The following FANCC variants were observed in gnomAD, a reference collection of about 807,000 sequenced individuals.
FANCC encodes Fanconi anemia group C protein.
In FANCC, 55 loss-of-function variants were observed where a neutral mutation model predicts 71.3. That is an observed-to-expected ratio of 0.77 (90% CI 0.62 to 0.97). The LOEUF is 0.97. Ranked by LOEUF, FANCC falls within the 50% of genes least tolerant of loss-of-function variation. The probability of loss-of-function intolerance (pLI) is 0.00; values close to 1 mark genes in which losing one functional copy is unlikely to be tolerated. For synonymous variants in FANCC, 275 were observed against 244.9 expected (o/e 1.12, Z -1.15); for missense variants, 678 against 670.9 (o/e 1.01, Z -0.12).
At chr9:95,288,497 T>C (rs1246982328) in intron 1 of FANCC, among the ~76,000 whole-genome samples, 1 of 152,230 alleles carries the variant, frequency 6.6e-6, no homozygotes, top group African/African-American at 2.4e-5. Flanking sequence ...AGCCATACTT[T>C]AATACAAGTG....
In FANCC at chr9:95,107,261, C is replaced by T. The variant is rs764514171; in HGVS notation, c.1338G>A (p.Val446=). Residue 446 remains valine, a synonymous_variant, in exon 14 of 15, where the codon GTG becomes GTA. Coordinates refer to ENST00000289081, the MANE Select transcript of FANCC (RefSeq NM_000136.3). ...RQQRAQTMVQ[V]KAVLGHLLAM... Reference sequence around the variant, plus strand: ...CCAGGAGGTGGCCCAGCACGGCCTTCACCTGGACCTGGGCAATAGTATTTC... The same window carrying T: ...CCAGGAGGTGGCCCAGCACGGCCTTTACCTGGACCTGGGCAATAGTATTTC... 1.2e-6 allele frequency: 2 copies of T among 1,613,698 alleles called. No homozygotes were observed. The highest frequency in any genetic ancestry group is 2.7e-5 in the African/African-American group (2 of 74,924).
chr9:95,125,304 T>C, intron 9 of FANCC, 119 bp from the exon 10 acceptor site: 3 of 761,396 alleles, frequency 3.9e-6, no homozygotes, highest in South Asian at 1.5e-5. Context: ...TTCAGCAGTA[T>C]CTCAACTCAT....
chr9:95,304,726 G>A (rs1239737191), intron 1 of FANCC, among the ~76,000 whole-genome samples: 2 of 143,244 alleles, frequency 1.4e-5, no homozygotes, highest in Non-Finnish European at 3.0e-5. Context: ...CTGCAGCCTG[G>A]GCAACAGAGC....
chr9:95,314,713 A>T, intron 1 of FANCC, among the ~76,000 whole-genome samples: 1 of 152,310 alleles, frequency 6.6e-6, no homozygotes, highest in East Asian at 1.9e-4. Context: ...ATGAAATTTT[A>T]AAAATAATTC....
intron 4 of FANCC, among the ~76,000 whole-genome samples, chr9:95,229,032 T>G (rs1829815714): frequency 6.6e-6 from 1 of 152,130 alleles, no homozygotes; most frequent in African/African-American, 2.4e-5. Flanking sequence ...GCACGATGGC[T>G]CACACCTGTA....
At chr9:95,177,114 G>A (rs1454323522) in intron 4 of FANCC, among the ~76,000 whole-genome samples, 1 of 152,162 alleles carries the variant, frequency 6.6e-6, no homozygotes, top group African/African-American at 2.4e-5. Context: ...CAGTTTCTTT[G>A]CGTGCAAACA....
intron 1 of FANCC, among the ~76,000 whole-genome samples, chr9:95,307,000 T>C (rs1472082358): frequency 6.6e-6 from 1 of 152,094 alleles, no homozygotes; most frequent in Non-Finnish European, 1.5e-5. Flanking sequence ...CAGCCTACAG[T>C]TGCATGTCAC....
chr9:95,302,243 G>T (rs551010685), intron 1 of FANCC, among the ~76,000 whole-genome samples: 2 of 152,290 alleles, frequency 1.3e-5, no homozygotes, highest in Admixed American at 1.3e-4. Flanking sequence ...GTGGACAGAA[G>T]GGGTCACTGG....
intron 6 of FANCC, among the ~76,000 whole-genome samples, chr9:95,158,433 T>C (rs929812205): frequency 6.6e-6 from 1 of 151,984 alleles, no homozygotes; most frequent in Non-Finnish European, 1.5e-5. Flanking sequence ...TAAGAAGCGG[T>C]AGAGAACAGG....
rs546871982 is a variant in FANCC, at chr9:95,103,094, G to A, written c.1534-1244C>T. Among the ~76,000 whole-genome samples the A allele has an allele frequency of 1.4e-4, 21 of 152,286 alleles. No individual in the cohort carries two copies. The East Asian group carries it at 2.9e-3, about 21-fold the overall frequency. ...TTCATCAAGGAAACAATGTGAGCCT[G>A]CTGTGGACCCCTTTCAGTTAATATA... On this transcript the variant is annotated intron_variant, in intron 14 of 14. Transcript: ENST00000289081.
At chr9:95,154,245 CAAAAAAAAA>C (rs58720791) in intron 6 of FANCC, among the ~76,000 whole-genome samples, 13 of 49,946 alleles carry the variant, frequency 2.6e-4, no homozygotes, top group Middle Eastern at 0.013. Context: ...GACTCCGTCT[CAAAAAAAAA>C]AAAAAAAAAA....
intron 3 of FANCC, among the ~76,000 whole-genome samples, chr9:95,242,741 A>C (rs549793629): frequency 1.3e-3 from 204 of 152,234 alleles, no homozygotes; most frequent in Non-Finnish European, 1.6e-3. Context: ...ACTGAAATGC[A>C]CTGCTAATGA....
At chr9:95,190,238 G>A (rs967491043) in intron 4 of FANCC, among the ~76,000 whole-genome samples, 2 of 152,072 alleles carry the variant, frequency 1.3e-5, no homozygotes, top group African/African-American at 4.8e-5. Context: ...AAGTGCAGCT[G>A]TCCACTTGGG....
intron 3 of FANCC, among the ~76,000 whole-genome samples, chr9:95,243,405 A>AC (rs1278535942): frequency 6.6e-6 from 1 of 151,810 alleles, no homozygotes; most frequent in Non-Finnish European, 1.5e-5. Context: ...CTTCCTTATT[A>AC]CCCTTTTCTG....
At chr9:95,213,002 T>C (rs997212837) in intron 4 of FANCC, among the ~76,000 whole-genome samples, 1 of 152,200 alleles carries the variant, frequency 6.6e-6, no homozygotes, top group African/African-American at 2.4e-5. Flanking sequence ...ATGTGGCTTG[T>C]CTGAACTGAG....
At chr9:95,118,619 A>G (rs1302830006) in intron 10 of FANCC, among the ~76,000 whole-genome samples, 7 of 152,256 alleles carry the variant, frequency 4.6e-5, no homozygotes, top group East Asian at 3.9e-4. Context: ...TTGACAAGAG[A>G]GATTAGTTTT....
chr9:95,197,436 A>C (rs1189239287), intron 4 of FANCC, among the ~76,000 whole-genome samples: 1 of 152,144 alleles, frequency 6.6e-6, no homozygotes, highest in Non-Finnish European at 1.5e-5. Flanking sequence ...CTACTTGAGA[A>C]GCTGAGGTTG....
intron 7 of FANCC, among the ~76,000 whole-genome samples, chr9:95,139,836 A>T (rs867286594): frequency 7.1e-4 from 102 of 144,196 alleles, no homozygotes; most frequent in East Asian, 1.6e-3. Context: ...ATATATATTT[A>T]TATATATATA....
intron 14 of FANCC, 125 bp from the exon 15 acceptor site, chr9:95,101,975 C>CAAAGT (rs2071097852): frequency 9.2e-7 from 1 of 1,083,820 alleles, no homozygotes; most frequent in Non-Finnish European, 1.4e-6. Context: ...CCATCAGTTC[C>CAAAGT]AAAGTAAAGC....
Sources: gnomAD v4.1 joint callset for allele counts (sites outside exome capture counted in the v4.1 genomes callset) on GRCh38, gnomAD v4.1.1 for gene constraint, MANE v1.5 for transcripts, NCBI Gene and HGNC (gene_info 2026-07-23, HGNC 2026-07-21) for gene names.